The following ABTB3 variants were observed in gnomAD, a reference collection of about 807,000 sequenced individuals.
The protein encoded by ABTB3 is ankyrin repeat and BTB domain containing 3.
At chr12:107,532,509 C>T in the ABTB3 span, among the ~76,000 whole-genome samples, 1 of 152,220 alleles carries the variant, frequency 6.6e-6, no homozygotes, top group East Asian at 1.9e-4. Flanking sequence ...CCCTACCCGA[C>T]TAACACTATA....
the ABTB3 span, among the ~76,000 whole-genome samples, chr12:107,410,226 TA>T: frequency 0.012 from 1,413 of 122,214 alleles, 14 homozygotes; most frequent in South Asian, 0.047. Context: ...TCAGAATTGT[TA>T]AAAAAAAAAA....
the ABTB3 span, among the ~76,000 whole-genome samples, chr12:107,462,258 T>A: frequency 6.6e-6 from 1 of 152,374 alleles, no homozygotes; most frequent in African/African-American, 2.4e-5. Flanking sequence ...AATGAAACTA[T>A]CTTGAGTGTA....
At chr12:107,506,832 A>G in the ABTB3 span, among the ~76,000 whole-genome samples, 3 of 152,208 alleles carry the variant, frequency 2.0e-5, no homozygotes, top group African/African-American at 7.2e-5. Context: ...GAGTGAGTGA[A>G]TGAATTGATG....
the ABTB3 span, among the ~76,000 whole-genome samples, chr12:107,573,445 G>T: frequency 6.6e-6 from 1 of 151,418 alleles, no homozygotes; most frequent in Non-Finnish European, 1.5e-5. Flanking sequence ...TGAATGGATG[G>T]GTGGCTGGGT....
the ABTB3 span, among the ~76,000 whole-genome samples, chr12:107,364,209 A>T: frequency 6.6e-6 from 1 of 152,082 alleles, no homozygotes; most frequent in Non-Finnish European, 1.5e-5. Flanking sequence ...CTTCATATCA[A>T]CATGCTTCCA....
chr12:107,592,761 A>C, the ABTB3 span, among the ~76,000 whole-genome samples: 1 of 152,238 alleles, frequency 6.6e-6, no homozygotes, highest in African/African-American at 2.4e-5. Context: ...CAAATTCAGG[A>C]GAGAGGGTAC....
At chr12:107,555,466 C>T in the ABTB3 span, among the ~76,000 whole-genome samples, 1 of 152,206 alleles carries the variant, frequency 6.6e-6, no homozygotes, top group South Asian at 2.1e-4. Flanking sequence ...GGATAGGCTG[C>T]ACTTGTTAAT....
At chr12:107,475,958 C>T in the ABTB3 span, among the ~76,000 whole-genome samples, 1 of 152,156 alleles carries the variant, frequency 6.6e-6, no homozygotes, top group Non-Finnish European at 1.5e-5. Context: ...CTTCTGGAGC[C>T]CATGTGTTGC....
the ABTB3 span, among the ~76,000 whole-genome samples, chr12:107,462,497 T>C: frequency 6.6e-6 from 1 of 152,112 alleles, no homozygotes; most frequent in Non-Finnish European, 1.5e-5. Context: ...GTTATGATAA[T>C]GGAAATGACA....
At chr12:107,562,592 A>G in the ABTB3 span, among the ~76,000 whole-genome samples, 1 of 152,234 alleles carries the variant, frequency 6.6e-6, no homozygotes, top group Non-Finnish European at 1.5e-5. Context: ...AGGTCCCCTT[A>G]GGCCTGCAAA....
chr12:107,608,210 C>A, the ABTB3 span, among the ~76,000 whole-genome samples: 20 of 152,278 alleles, frequency 1.3e-4, no homozygotes, highest in Middle Eastern at 3.4e-3. Context: ...TAGCCACCGT[C>A]TCAACTCAGC....
the ABTB3 span, among the ~76,000 whole-genome samples, chr12:107,342,494 A>G: frequency 6.6e-6 from 1 of 151,934 alleles, no homozygotes; most frequent in East Asian, 1.9e-4. Flanking sequence ...CATCTCAAGA[A>G]CCTAGGGACC....
chr12:107,530,971 T>G, the ABTB3 span, among the ~76,000 whole-genome samples: 1 of 152,198 alleles, frequency 6.6e-6, no homozygotes, highest in South Asian at 2.1e-4. Flanking sequence ...TTGGGCTGCC[T>G]TTGAAAGAGG....
the ABTB3 span, chr12:107,650,831 C>CA: frequency 3.3e-5 from 5 of 152,304 alleles, no homozygotes; most frequent in African/African-American, 1.2e-4. Flanking sequence ...TAACTGATCA[C>CA]AACCAGTTAT....
the ABTB3 span, chr12:107,319,007 G>T: frequency 3.1e-6 from 5 of 1,613,614 alleles, no homozygotes; most frequent in Non-Finnish European, 4.2e-6. Flanking sequence ...CTCGGGTTAT[G>T]GTGGCGCGGC....
At chr12:107,448,303 G>A in the ABTB3 span, among the ~76,000 whole-genome samples, 1 of 152,196 alleles carries the variant, frequency 6.6e-6, no homozygotes, top group Admixed American at 6.5e-5. Flanking sequence ...TACTCCCAGA[G>A]CGGTAGCTGT....
chr12:107,612,666 C>CCT, the ABTB3 span: 1 of 1,045,902 alleles, frequency 9.6e-7, no homozygotes, highest in Non-Finnish European at 1.4e-6. Context: ...TTTTGTCATG[C>CCT]CGGAGCACAA....
chr12:107,390,550 G>A, the ABTB3 span, among the ~76,000 whole-genome samples: 2 of 152,204 alleles, frequency 1.3e-5, no homozygotes, highest in East Asian at 1.9e-4. Flanking sequence ...GTTCTAGGAA[G>A]AGGTAGGAGG....
the ABTB3 span, among the ~76,000 whole-genome samples, chr12:107,572,990 C>G: frequency 7.9e-5 from 12 of 152,208 alleles, no homozygotes; most frequent in African/African-American, 2.9e-4. Context: ...GAAATCACCT[C>G]CTCACCTGTG....
Sources: allele counts gnomAD v4.1 joint callset (sites outside exome capture counted in the v4.1 genomes callset), GRCh38; gene constraint gnomAD v4.1.1; transcripts MANE v1.5; gene names NCBI Gene and HGNC (gene_info 2026-07-23, HGNC 2026-07-21).